The following FHOD3 variants were observed in gnomAD, a reference collection of about 807,000 sequenced individuals.
FHOD3 encodes FH1/FH2 domain-containing protein 3.
A neutral mutation model predicts 173.0 loss-of-function variants in FHOD3; 90 were observed. That is an observed-to-expected ratio of 0.52 (90% CI 0.44 to 0.62). The LOEUF (loss-of-function observed/expected upper bound fraction) is 0.62, where lower values mean the gene tolerates loss of function less well. FHOD3 is among the 20% of genes least tolerant of loss of function. The pLI is 0.00. For synonymous variants in FHOD3, 828 were observed against 823.0 expected (o/e 1.01, Z -0.10); for missense variants, 1,945 against 2,034.7 (o/e 0.96, Z 0.85).
chr18:36,601,056 G>A (rs2031307584), intron 7 of FHOD3, among the ~76,000 whole-genome samples: 1 of 152,200 alleles, frequency 6.6e-6, no homozygotes, highest in Non-Finnish European at 1.5e-5. Context: ...ACTGTCTTGA[G>A]AGCTGAGATG....
intron 3 of FHOD3, among the ~76,000 whole-genome samples, chr18:36,500,185 G>T (rs2054956583): frequency 6.6e-6 from 1 of 152,238 alleles, no homozygotes; most frequent in African/African-American, 2.4e-5. Context: ...TTTAAATGGG[G>T]AAGTGATGTC....
intron 5 of FHOD3, among the ~76,000 whole-genome samples, chr18:36,534,699 G>A (rs913045378): frequency 6.6e-6 from 1 of 152,078 alleles, no homozygotes. Context: ...TTGTTGATCA[G>A]TACATTCAAA....
At chr18:36,586,405 T>C (rs560342427) in intron 6 of FHOD3, among the ~76,000 whole-genome samples, 1 of 152,350 alleles carries the variant, frequency 6.6e-6, no homozygotes, top group South Asian at 2.1e-4. Flanking sequence ...ATTCTGCATA[T>C]ACTATCAAGA....
At chr18:36,329,274 G>A (rs78215651) in intron 1 of FHOD3, among the ~76,000 whole-genome samples, 2,047 of 152,204 alleles carry the variant, frequency 0.013, 35 homozygotes, top group African/African-American at 0.046. Flanking sequence ...CCTCTGTCTC[G>A]TGTGATTTGT....
chr18:36,353,852 A>G (rs1421856704), intron 1 of FHOD3, among the ~76,000 whole-genome samples: 1 of 152,184 alleles, frequency 6.6e-6, no homozygotes, highest in African/African-American at 2.4e-5. Context: ...TCTGGGCAGC[A>G]AAGTGCTCTC....
intron 9 of FHOD3, among the ~76,000 whole-genome samples, chr18:36,615,653 C>A (rs1279295092): frequency 6.6e-6 from 1 of 152,014 alleles, no homozygotes; most frequent in Non-Finnish European, 1.5e-5. Context: ...TATAACTAGT[C>A]CCTATTTTTT....
At chr18:36,383,263 A>C (rs1317113535) in intron 3 of FHOD3, among the ~76,000 whole-genome samples, 1 of 152,178 alleles carries the variant, frequency 6.6e-6, no homozygotes, top group Non-Finnish European at 1.5e-5. Flanking sequence ...TCTGTCTGAA[A>C]GCAGAGTTGG....
chr18:36,560,608 G>A (rs2147625788), intron 5 of FHOD3, among the ~76,000 whole-genome samples: 1 of 152,276 alleles, frequency 6.6e-6, no homozygotes, highest in East Asian at 1.9e-4. Context: ...CTAGCAGAGT[G>A]CCTGGTGCTT....
intron 9 of FHOD3, among the ~76,000 whole-genome samples, chr18:36,615,632 A>G (rs2033126772): frequency 1.3e-5 from 2 of 152,314 alleles, no homozygotes; most frequent in East Asian, 1.9e-4. Flanking sequence ...CTGTGTGTAT[A>G]CCATAATATA....
At chr18:36,765,882 T>G (rs574582397) in intron 27 of FHOD3, among the ~76,000 whole-genome samples, 1 of 152,184 alleles carries the variant, frequency 6.6e-6, no homozygotes, top group South Asian at 2.1e-4. Flanking sequence ...TGGAAAAAGA[T>G]GGACCAGAAG....
At chr18:36,756,655 A>C (rs2042646501) in intron 25 of FHOD3, among the ~76,000 whole-genome samples, 1 of 152,254 alleles carries the variant, frequency 6.6e-6, no homozygotes, top group Admixed American at 6.5e-5. Context: ...GGAAGGCCAG[A>C]CACATTAACT....
At chr18:36,585,552 G>T (rs1027436665) in intron 6 of FHOD3, among the ~76,000 whole-genome samples, 3 of 151,758 alleles carry the variant, frequency 2.0e-5, no homozygotes, top group Admixed American at 6.5e-5. Flanking sequence ...AGCAGGCTGA[G>T]GGGGCCCCAC....
intron 28 of FHOD3, chr18:36,778,335 A>T (rs577349298): frequency 6.6e-6 from 1 of 152,240 alleles, no homozygotes; most frequent in Non-Finnish European, 1.5e-5. Context: ...TGGTCATCTC[A>T]GGAACTCTGG....
chr18:36,297,953 G>C lies in FHOD3; in HGVS notation c.118G>C (p.Gly40Arg). Reference sequence around the variant, plus strand: ...CACGTTCCGCGAGGACCTCGCGCTCGGCACCCAGCTGGCGGGGGTCCATAG... The same window carrying C: ...CACGTTCCGCGAGGACCTCGCGCTCCGCACCCAGCTGGCGGGGGTCCATAG... ...LFTFREDLAL[G>R]TQLAGVHRLL... Residue 40 changes from glycine (G) to arginine (R), a missense_variant, in exon 1 of 29, where the codon GGC (glycine) becomes CGC (arginine). Around this residue, in one of 5 missense-constraint regions of FHOD3, gnomAD observed 245 missense variants for 267.7 expected, o/e 0.92. Coordinates refer to ENST00000590592, the MANE Select transcript of FHOD3 (RefSeq NM_001281740.3). 3 of 1,566,038 alleles carry C rather than the reference G, an allele frequency of 1.9e-6. No homozygotes were observed. Among genetic ancestry groups the C allele is most frequent in the African/African-American group, 1.4e-5 (1 of 72,502 alleles).
At chr18:36,641,120 A>G (rs2035274606) in intron 10 of FHOD3, among the ~76,000 whole-genome samples, 1 of 152,094 alleles carries the variant, frequency 6.6e-6, no homozygotes, top group Non-Finnish European at 1.5e-5. Context: ...CCTCAGGGCC[A>G]TGGAACTGCA....
chr18:36,554,599 G>A (rs1025004053), intron 5 of FHOD3, among the ~76,000 whole-genome samples: 2 of 152,042 alleles, frequency 1.3e-5, no homozygotes, highest in East Asian at 1.9e-4. Flanking sequence ...AAACCTGCAC[G>A]TTGTGCACAT....
chr18:36,620,072 G>A (rs2033579223), intron 9 of FHOD3, among the ~76,000 whole-genome samples: 1 of 152,186 alleles, frequency 6.6e-6, no homozygotes, highest in Non-Finnish European at 1.5e-5. Context: ...ATCTCATTAT[G>A]CTGTTCTCCT....
chr18:36,738,709 AT>A (rs1415586611), intron 20 of FHOD3, among the ~76,000 whole-genome samples: 2 of 152,166 alleles, frequency 1.3e-5, no homozygotes, highest in African/African-American at 2.4e-5. Context: ...TCTCTATTGA[AT>A]TGCCTTGCAC....
chr18:36,457,271 C>T (rs912470376), intron 3 of FHOD3, among the ~76,000 whole-genome samples: 5 of 152,142 alleles, frequency 3.3e-5, no homozygotes, highest in South Asian at 2.1e-4. Flanking sequence ...GCTGGACTTG[C>T]GTTTTTTAAT....
Sources: allele counts gnomAD v4.1 joint callset (sites outside exome capture counted in the v4.1 genomes callset), GRCh38; gene constraint gnomAD v4.1.1; regional missense constraint gnomAD v4.1.1; transcripts MANE v1.5; gene names NCBI Gene and HGNC (gene_info 2026-07-23, HGNC 2026-07-21).